Variants in NLRP5 observed in about 807,000 individuals in gnomAD.
The protein encoded by NLRP5 is NLR family pyrin domain containing 5, also known as NACHT, LRR and PYD domains-containing protein 5.
In NLRP5, 93 loss-of-function variants were observed where a neutral mutation model predicts 113.1. The ratio of observed to expected loss-of-function variants is 0.82; its 90% CI spans 0.70 to 0.98. NLRP5 has a LOEUF of 0.98. NLRP5 is among the 50% of genes least tolerant of loss of function. The pLI is 0.00. For missense variants in NLRP5, 1,808 were observed against 1,514.3 expected (o/e 1.19, Z -3.22); for synonymous variants, 751 against 600.7 (o/e 1.25, Z -3.66).
Position 56,027,880 on chromosome 19 carries a change from C to T in NLRP5, c.1647C>T (p.Asp549=), listed in dbSNP as rs185330237. 1.5e-4 allele frequency: 248 copies of T among 1,613,882 alleles called. No individual in the cohort carries two copies. The African/African-American group carries it at 2.7e-3, about 17-fold the overall frequency. The stretch of plus-strand genomic sequence containing the variant: ...ATAGGAAGTCAGTGTTTGACGGTGA[C>T]GACCTCATGGTTCAAGGACTCGGGG... The change falls in exon 7 of 15, where the codon GAC becomes GAT. Residue 549 remains aspartate, a synonymous_variant. Transcript: ENST00000390649.
chr19:56,002,429 A>G (rs1257450406), intron 1 of NLRP5, among the ~76,000 whole-genome samples: 1 of 151,930 alleles, frequency 6.6e-6, no homozygotes, highest in Non-Finnish European at 1.5e-5. Context: ...GTTATTAGTA[A>G]CTGGTAGGAA....
rs754432423 is a variant in NLRP5 at position 56,028,416 on chromosome 19, A to T, written c.2183A>T (p.Gln728Leu). The change falls in exon 7 of 15, where the codon CAG becomes CTG. Residue 728 changes from glutamine (Q) to leucine (L), a missense_variant. By Grantham distance (113) the Gln-to-Leu change is moderately radical. Transcript: ENST00000390649. Reference sequence around the variant, plus strand: ...TTGATAGCATCTTCCTTCTGCCTCCAGCACTGTCCGTATTTGCGGAAAATT... The same window carrying T: ...TTGATAGCATCTTCCTTCTGCCTCCTGCACTGTCCGTATTTGCGGAAAATT... The T allele has an allele frequency of 4.3e-6, 7 of 1,613,864 alleles. No homozygotes were observed. In the African/African-American group the frequency reaches 8.0e-5, roughly 18 times the overall value.
chr19:56,056,868 G>A (rs780356942), intron 13 of NLRP5, among the ~76,000 whole-genome samples: 6 of 152,140 alleles, frequency 3.9e-5, no homozygotes, highest in South Asian at 2.1e-4. Context: ...AGCCGGGTGC[G>A]GTGGTGCACG....
rs540059442 is a variant in NLRP5, at chr19:56,013,288, G to A, written c.509-2454G>A. ...GCTCACTGCAACCTCCGCCTCCCTG[G>A]TTCACGCTATTTTCCTGCCTCAGCC... On this transcript the variant is annotated intron_variant, in intron 3 of 14. Transcript: ENST00000390649. 2.0e-5 allele frequency among the ~76,000 whole-genome samples: 3 copies of A among 152,236 alleles called. No individual in the cohort carries two copies. The South Asian group carries it at 6.2e-4, about 32-fold the overall frequency.
At chr19:55,987,263 G>C in the NLRP5 span, among the ~76,000 whole-genome samples, 8,892 of 152,316 alleles carry the variant, frequency 0.058, 361 homozygotes, top group Middle Eastern at 0.11. Context: ...CCACCTTCTA[G>C]GGAGGCTGAG....
chr19:56,008,203 C>CA lies in NLRP5; in HGVS notation c.443-584dup, dbSNP rs1982024781. Reference sequence around the variant, plus strand: ...TCAGCCTCCTAAAGTGCTGGGATTACAGGCGTGAGCCACCGCGCCTGGCCA... The same window carrying CA: ...TCAGCCTCCTAAAGTGCTGGGATTACAAGGCGTGAGCCACCGCGCCTGGCCA... On this transcript the variant is annotated intron_variant, in intron 2 of 14. Coordinates refer to ENST00000390649, the MANE Select transcript of NLRP5 (RefSeq NM_153447.4). 1.3e-5 allele frequency among the ~76,000 whole-genome samples: 2 copies of CA among 152,028 alleles called. 1 individual carries two copies. The highest frequency in any genetic ancestry group is 4.2e-4 in the South Asian group (2 of 4,814).
At chr19:56,004,922 G>T (rs774067578) in intron 2 of NLRP5, among the ~76,000 whole-genome samples, 3 of 151,320 alleles carry the variant, frequency 2.0e-5, no homozygotes, top group African/African-American at 7.3e-5. Context: ...GAGAAACCCC[G>T]TCTCTACTAG....
At chr19:56,054,567 GAA>G (rs10537523) in intron 13 of NLRP5, among the ~76,000 whole-genome samples, 60,354 of 138,894 alleles carry the variant, frequency 0.43, 13,160 homozygotes, top group African/African-American at 0.52. Context: ...CAAAAAAAGT[GAA>G]AAAAAAAAAA....
chr19:56,035,061 C>A (rs938719158), intron 9 of NLRP5, among the ~76,000 whole-genome samples: 2 of 152,072 alleles, frequency 1.3e-5, no homozygotes, highest in Non-Finnish European at 2.9e-5. Flanking sequence ...GCCTCAGCCT[C>A]CCAAGTAGCT....
intron 5 of NLRP5, among the ~76,000 whole-genome samples, chr19:56,020,086 C>T (rs1173752105): frequency 6.6e-6 from 1 of 151,916 alleles, no homozygotes; most frequent in Non-Finnish European, 1.5e-5. Context: ...CCCACCTCGG[C>T]CTCCCAAAGT....
At chr19:55,987,051 C>T in the NLRP5 span, among the ~76,000 whole-genome samples, 1 of 152,346 alleles carries the variant, frequency 6.6e-6, no homozygotes, top group South Asian at 2.1e-4. Context: ...AGTCTCTCGT[C>T]CTTTTCAGAC....
At chr19:56,015,615 T>A (rs1982374094) in intron 3 of NLRP5, 127 bp from the exon 4 acceptor site, 2 of 630,744 alleles carry the variant, frequency 3.2e-6, no homozygotes, top group Non-Finnish European at 5.0e-6. Context: ...AGCCAGTGGT[T>A]CTGTGCTCTA....
At chr19:56,038,419 G>A (rs979904879) in intron 10 of NLRP5, among the ~76,000 whole-genome samples, 5 of 152,112 alleles carry the variant, frequency 3.3e-5, no homozygotes, top group Non-Finnish European at 7.4e-5. Flanking sequence ...AGGTGGACGC[G>A]GGAATCAGCC....
chr19:56,024,590 C>T (rs1299073867), intron 6 of NLRP5, among the ~76,000 whole-genome samples: 4 of 150,410 alleles, frequency 2.7e-5, no homozygotes, highest in African/African-American at 7.3e-5. Flanking sequence ...TACATACACA[C>T]ACACACACAC....
intron 4 of NLRP5, 125 bp from the exon 5 acceptor site, chr19:56,019,217 T>A: frequency 9.4e-7 from 1 of 1,068,554 alleles, no homozygotes. Flanking sequence ...GCTGAGACAG[T>A]GGTTGCCATG....
chr19:56,005,107 A>AAAAAAAAAAAAATATATATAT (rs1173746273), intron 2 of NLRP5, among the ~76,000 whole-genome samples: 1 of 95,344 alleles, frequency 1.0e-5, no homozygotes, highest in African/African-American at 3.9e-5. Flanking sequence ...AAAAAAAAAA[A>AAAAAAAAAAAAATATATATAT]ATATATATAT....
At chr19:55,996,392 T>C (rs1981326162), upstream of NLRP5, among the ~76,000 whole-genome samples, 2 of 152,226 alleles carry the variant, frequency 1.3e-5, no homozygotes, top group South Asian at 2.1e-4. Context: ...AGGGTACATG[T>C]GCACAACGTG....
chr19:56,023,576 T>C (rs750226091), intron 6 of NLRP5, among the ~76,000 whole-genome samples: 1 of 152,056 alleles, frequency 6.6e-6, no homozygotes, highest in Non-Finnish European at 1.5e-5. Context: ...GTGTTAGATA[T>C]TATAAGTAGC....
At chr19:56,011,157 A>AT (rs1982173825) in intron 3 of NLRP5, among the ~76,000 whole-genome samples, 1 of 131,728 alleles carries the variant, frequency 7.6e-6, no homozygotes, top group African/African-American at 2.7e-5. Flanking sequence ...TGTCTTTAAA[A>AT]AATATATATA....
Sources: allele counts gnomAD v4.1 joint callset (sites outside exome capture counted in the v4.1 genomes callset), GRCh38; gene constraint gnomAD v4.1.1; transcripts MANE v1.5; gene names NCBI Gene and HGNC (gene_info 2026-07-23, HGNC 2026-07-21).